SGCZ: variants seen among roughly 807,000 people sequenced by gnomAD.
The protein encoded by SGCZ is zeta-sarcoglycan.
A neutral mutation model predicts 41.3 loss-of-function variants in SGCZ; 40 were observed. That is an observed-to-expected ratio of 0.97 (90% CI 0.75 to 1.26). The LOEUF is 1.26. SGCZ is among the 50% of genes most tolerant of loss of function. SGCZ has a pLI of 0.00. For missense variants in SGCZ, 552 were observed against 369.8 expected, an observed-to-expected ratio of 1.49 and a Z score of -4.04; for synonymous variants, 206 against 137.5, an observed-to-expected ratio of 1.50 and a Z score of -3.49.
intron 5 of SGCZ, among the ~76,000 whole-genome samples, chr8:14,121,028 A>C (rs115568375): frequency 6.6e-6 from 1 of 152,220 alleles, no homozygotes; most frequent in South Asian, 2.1e-4. Flanking sequence ...GATAACAAGT[A>C]TTATTATAAA....
At chr8:14,841,818 T>C (rs1463108482) in intron 1 of SGCZ, among the ~76,000 whole-genome samples, 1 of 152,152 alleles carries the variant, frequency 6.6e-6, no homozygotes, top group African/African-American at 2.4e-5. Flanking sequence ...GTGAGGAAAT[T>C]GAGACCTGGA....
intron 2 of SGCZ, among the ~76,000 whole-genome samples, chr8:14,524,695 C>G (rs1035145662): frequency 2.0e-5 from 3 of 152,088 alleles, no homozygotes; most frequent in African/African-American, 7.2e-5. Context: ...AATTATTTAC[C>G]TTTGAACAAA....
At chr8:14,579,058 C>A (rs969293294) in intron 1 of SGCZ, among the ~76,000 whole-genome samples, 19 of 152,002 alleles carry the variant, frequency 1.2e-4, no homozygotes, top group Non-Finnish European at 2.9e-5. Flanking sequence ...ATTATTTGCA[C>A]AAAGTAAGCT....
chr8:14,986,815 T>G (rs17120669), intron 1 of SGCZ, among the ~76,000 whole-genome samples: 9,255 of 151,984 alleles, frequency 0.061, 539 homozygotes, highest in African/African-American at 0.15. Context: ...TAAAAGTTTG[T>G]TATCTATTTG....
Position 15,237,464 on chromosome 8 carries a change from C to A in SGCZ, c.39+121G>T, listed in dbSNP as rs1201077032. 8.3e-6 allele frequency: 10 copies of A among 1,205,478 alleles called. No homozygotes were observed. In the African/African-American group the frequency reaches 1.4e-4, roughly 16 times the overall value. The allele number at this position is 1,205,478 out of a possible 1,614,324, so 74.7% of individuals were successfully genotyped here. On this transcript the variant is annotated intron_variant, in intron 1 of 7. Coordinates refer to ENST00000382080, the MANE Select transcript of SGCZ (RefSeq NM_139167.4). ...CGCCCGGGTGCGCGTCCCCCCAACG[C>A]CCCCTCGTCGTCCCGCGGGACCACC... is the stretch of plus-strand genomic sequence containing the variant.
At chr8:14,962,709 C>T (rs1801001794) in intron 1 of SGCZ, among the ~76,000 whole-genome samples, 1 of 152,098 alleles carries the variant, frequency 6.6e-6, no homozygotes, top group African/African-American at 2.4e-5. Flanking sequence ...AAGATTGGCA[C>T]AGAGATAATT....
chr8:14,561,607 A>G (rs1194863808), intron 1 of SGCZ, among the ~76,000 whole-genome samples: 1 of 152,122 alleles, frequency 6.6e-6, no homozygotes, highest in African/African-American at 2.4e-5. Flanking sequence ...AAAAGCATTC[A>G]TTAGAATCAA....
At position 14,094,784 on chromosome 8, in the gene SGCZ, C is replaced by T. The variant is rs564045431; in HGVS notation, c.745-4147G>A. ...AAAAGCATTCCTATTTCTCCACATC[C>T]TCACCAGCATCTGTTGTTTCCTGAC... On this transcript the variant is annotated intron_variant, in intron 7 of 7. Coordinates refer to ENST00000382080, the MANE Select transcript of SGCZ (RefSeq NM_139167.4). Among the ~76,000 whole-genome samples the T allele has an allele frequency of 2.0e-4, 30 of 152,230 alleles. No homozygotes were observed. The South Asian group carries it at 2.1e-3, about 11-fold the overall frequency.
chr8:14,223,306 A>G (rs547140100), intron 4 of SGCZ, among the ~76,000 whole-genome samples: 1 of 152,138 alleles, frequency 6.6e-6, no homozygotes, highest in Non-Finnish European at 1.5e-5. Context: ...TTTAATGAGA[A>G]TACTTTGGAA....
intron 1 of SGCZ, among the ~76,000 whole-genome samples, chr8:15,100,096 T>C (rs183449648): frequency 5.6e-4 from 86 of 152,252 alleles, no homozygotes; most frequent in African/African-American, 2.0e-3. Flanking sequence ...CCAAAAGTCA[T>C]AGCTAATCCA....
chr8:15,073,570 T>C (rs1805427344), intron 1 of SGCZ, among the ~76,000 whole-genome samples: 1 of 152,190 alleles, frequency 6.6e-6, no homozygotes, highest in Non-Finnish European at 1.5e-5. Flanking sequence ...AACATTTTAA[T>C]CTGTAAATAT....
intron 1 of SGCZ, among the ~76,000 whole-genome samples, chr8:14,843,344 G>C (rs1296135848): frequency 6.6e-6 from 1 of 151,976 alleles, no homozygotes; most frequent in African/African-American, 2.4e-5. Context: ...AAAACTCTTT[G>C]ATTATTTCTG....
intron 1 of SGCZ, among the ~76,000 whole-genome samples, chr8:14,687,371 A>T (rs1468813468): frequency 7.1e-6 from 1 of 141,416 alleles, no homozygotes; most frequent in Non-Finnish European, 1.5e-5. Context: ...CAGTTCCCAG[A>T]GTGTGATGTT....
At chr8:14,937,717 T>C (rs905965156) in intron 1 of SGCZ, among the ~76,000 whole-genome samples, 10 of 152,260 alleles carry the variant, frequency 6.6e-5, no homozygotes, top group African/African-American at 2.4e-4. Context: ...TTGTTTTAGA[T>C]ATCCTTTTTC....
chr8:14,867,538 A>C (rs1803977601), intron 1 of SGCZ, among the ~76,000 whole-genome samples: 1 of 152,186 alleles, frequency 6.6e-6, no homozygotes, highest in East Asian at 1.9e-4. Context: ...TCTTTCCTCC[A>C]CAATGGTTAA....
intron 1 of SGCZ, among the ~76,000 whole-genome samples, chr8:14,873,291 T>A (rs141393073): frequency 6.6e-6 from 1 of 152,280 alleles, no homozygotes; most frequent in African/African-American, 2.4e-5. Flanking sequence ...ATAGATGAGT[T>A]ATTCATTGCA....
intron 4 of SGCZ, among the ~76,000 whole-genome samples, chr8:14,223,031 C>G (rs1302962099): frequency 6.6e-6 from 1 of 151,650 alleles, no homozygotes; most frequent in Non-Finnish European, 1.5e-5. Context: ...AGGATGGTCT[C>G]GAACTTCTGA....
intron 1 of SGCZ, among the ~76,000 whole-genome samples, chr8:14,630,963 A>G (rs1235267494): frequency 6.6e-6 from 1 of 152,118 alleles, no homozygotes; most frequent in African/African-American, 2.4e-5. Flanking sequence ...TGGCACATGT[A>G]TACATATGTA....
At chr8:14,220,059 C>T (rs751789367) in intron 4 of SGCZ, among the ~76,000 whole-genome samples, 2 of 152,114 alleles carry the variant, frequency 1.3e-5, no homozygotes, top group Non-Finnish European at 2.9e-5. Context: ...CATTGACGGT[C>T]CAAAAATGCA....
Sources: allele counts gnomAD v4.1 joint callset (sites outside exome capture counted in the v4.1 genomes callset), GRCh38; gene constraint gnomAD v4.1.1; transcripts MANE v1.5; gene names NCBI Gene and HGNC (gene_info 2026-07-23, HGNC 2026-07-21).